Variants in DTNB observed in about 807,000 individuals in gnomAD.
DTNB encodes the protein DTN-B.
DTNB carries 63 observed loss-of-function variants against 90.7 expected under a neutral mutation model. The observed-to-expected ratio is 0.69, with a 90% confidence interval of 0.57 to 0.86. DTNB has a LOEUF of 0.86. Ranked by LOEUF, DTNB falls within the 40% of genes least tolerant of loss-of-function variation. DTNB has a pLI of 0.00. For synonymous variants in DTNB, 277 were observed against 286.7 expected (o/e 0.97, Z 0.34); for missense variants, 744 against 807.1 (o/e 0.92, Z 0.95).
intron 9 of DTNB, among the ~76,000 whole-genome samples, chr2:25,489,131 G>A (rs567244009): frequency 2.6e-5 from 4 of 152,230 alleles, no homozygotes; most frequent in South Asian, 2.1e-4. Flanking sequence ...GTTCCCTTGC[G>A]GCCAGACCAC....
chr2:25,614,479 G>A (rs896647282), intron 4 of DTNB, among the ~76,000 whole-genome samples: 7 of 152,036 alleles, frequency 4.6e-5, no homozygotes, highest in African/African-American at 2.4e-5. Flanking sequence ...CAGAATGTAA[G>A]GTCAACATAA....
chr2:25,447,805 G>A (rs1047558086), intron 12 of DTNB, among the ~76,000 whole-genome samples: 1 of 151,908 alleles, frequency 6.6e-6, no homozygotes. Flanking sequence ...CACCATGCCC[G>A]GCCTAGTTAT....
At position 25,483,940 on chromosome 2, in the gene DTNB, A is replaced by T. The variant is rs529733347; in HGVS notation, c.1002-1067T>A. 2.0e-5 allele frequency among the ~76,000 whole-genome samples: 3 copies of T among 152,318 alleles called. No homozygotes were observed. In the East Asian group the frequency reaches 5.8e-4, roughly 29 times the overall value. On this transcript the variant is annotated intron_variant, in intron 9 of 20. Transcript: ENST00000406818. ...ACCTTTTCTATGTTTAGATACATAA[A>T]TACCCTTGTGTAACAGTTGCCTCCA... is the stretch of plus-strand genomic sequence containing the variant.
rs180930393 is a variant in DTNB, at chr2:25,620,645, G to A, written c.362+7526C>T. The stretch of plus-strand genomic sequence containing the variant: ...TTAGCACAAACTCATGACTTCTGTT[G>A]GAAGAAAAGCTACAAGATAAAGAGT... On this transcript the variant is annotated intron_variant, in intron 4 of 20. Transcript: ENST00000406818. Among the ~76,000 whole-genome samples the A allele has an allele frequency of 1.8e-3, 272 of 152,174 alleles. 1 individual carries two copies. Among genetic ancestry groups the A allele is most frequent in the African/African-American group, 6.3e-3 (261 of 41,510 alleles).
At chr2:25,548,115 TTTC>T (rs1386842024) in intron 8 of DTNB, among the ~76,000 whole-genome samples, 1 of 152,172 alleles carries the variant, frequency 6.6e-6, no homozygotes, top group Admixed American at 6.5e-5. Flanking sequence ...CGTGATCAAG[TTTC>T]TTATTTCAAT....
intron 14 of DTNB, among the ~76,000 whole-genome samples, chr2:25,431,626 G>T (rs1041959765): frequency 1.3e-5 from 2 of 152,146 alleles, no homozygotes; most frequent in African/African-American, 4.8e-5. Context: ...ATATTTTTCA[G>T]ATCCTTCCGG....
intron 3 of DTNB, 119 bp downstream of exon 3, chr2:25,638,895 T>G (rs189030149): frequency 9.6e-7 from 1 of 1,043,662 alleles, no homozygotes; most frequent in East Asian, 2.8e-5. Context: ...TACATACTAA[T>G]AAATACTTAA....
intron 16 of DTNB, among the ~76,000 whole-genome samples, chr2:25,410,513 A>G (rs1004882711): frequency 5.9e-5 from 9 of 152,216 alleles, no homozygotes; most frequent in Non-Finnish European, 1.2e-4. Flanking sequence ...GTTCCTGAAC[A>G]TAAAAGAAAC....
chr2:25,583,779 A>G (rs2061925221), intron 6 of DTNB, among the ~76,000 whole-genome samples: 1 of 151,736 alleles, frequency 6.6e-6, no homozygotes, highest in South Asian at 2.1e-4. Flanking sequence ...TCAGCCTCCC[A>G]AAGTGCTGGG....
At chr2:25,646,672 AGGCCCCC>A (rs1283502908) in intron 2 of DTNB, among the ~76,000 whole-genome samples, 1 of 152,198 alleles carries the variant, frequency 6.6e-6, no homozygotes, top group Non-Finnish European at 1.5e-5. Context: ...ATAAGCTAGA[AGGCCCCC>A]CACCTCATCC....
In DTNB at chr2:25,536,752, G is replaced by C. The variant is rs143179745; in HGVS notation, c.877-5155C>G. Among the ~76,000 whole-genome samples, 364 of 152,198 alleles carry C rather than the reference G, an allele frequency of 2.4e-3. 2 individuals carry two copies. Among genetic ancestry groups the C allele is most frequent in the African/African-American group, 8.4e-3 (350 of 41,546 alleles). On this transcript the variant is annotated intron_variant, in intron 8 of 20. Coordinates refer to ENST00000406818, the MANE Select transcript of DTNB (RefSeq NM_021907.5). ...AGGGGAGATGGGAGACGGGAGAGGG[G>C]AGAGGGAGAGCTTTTATTTATTTAT...
At chr2:25,569,845 C>T (rs1421913923) in intron 8 of DTNB, among the ~76,000 whole-genome samples, 4 of 152,086 alleles carry the variant, frequency 2.6e-5, no homozygotes, top group Non-Finnish European at 5.9e-5. Flanking sequence ...GACTGTAATC[C>T]CAGCACTTTG....
chr2:25,419,324 G>A, intron 16 of DTNB, 191 bp downstream of exon 16: 1 of 784,686 alleles, frequency 1.3e-6, no homozygotes, highest in Non-Finnish European at 2.1e-6. Context: ...GTAAGAACAT[G>A]CTCTACTGGG....
chr2:25,621,929 C>T (rs1340961995), intron 4 of DTNB, among the ~76,000 whole-genome samples: 1 of 151,578 alleles, frequency 6.6e-6, no homozygotes, highest in African/African-American at 2.4e-5. Context: ...AAACAATAAC[C>T]CTAGGCCTTT....
chr2:25,524,338 G>C (rs2076698537), intron 9 of DTNB, among the ~76,000 whole-genome samples: 1 of 147,860 alleles, frequency 6.8e-6, no homozygotes, highest in East Asian at 2.0e-4. Context: ...AAGTTATCTA[G>C]TCAAACTAAA....
At chr2:25,440,790 A>T (rs1002799208) in intron 12 of DTNB, among the ~76,000 whole-genome samples, 1 of 152,224 alleles carries the variant, frequency 6.6e-6, no homozygotes, top group Non-Finnish European at 1.5e-5. Context: ...CATCTATCCC[A>T]TATTTTATTT....
Position 25,648,562 on chromosome 2 carries a change from T to C in DTNB, c.67+4032A>G, listed in dbSNP as rs906183089. ...TTTTAAAAAGAGCTCCAAAAGGAAA[T>C]ATTCTGAAAACTAAGGTTAAAAAAA... On this transcript the variant is annotated intron_variant, in intron 2 of 20. Transcript: ENST00000406818. Among the ~76,000 whole-genome samples, 4 of 151,962 alleles carry C rather than the reference T, an allele frequency of 2.6e-5. No individual in the cohort carries two copies. The South Asian group carries it at 6.2e-4, about 24-fold the overall frequency.
At chr2:25,651,438 C>T (rs2080918090) in intron 2 of DTNB, among the ~76,000 whole-genome samples, 1 of 152,210 alleles carries the variant, frequency 6.6e-6, no homozygotes, top group African/African-American at 2.4e-5. Flanking sequence ...ACTCAGATGC[C>T]TTCTGATTTC....
intron 2 of DTNB, among the ~76,000 whole-genome samples, chr2:25,645,005 G>A (rs1481672126): frequency 6.6e-6 from 1 of 152,128 alleles, no homozygotes; most frequent in Non-Finnish European, 1.5e-5. Context: ...GGAAATGCTG[G>A]GGACACAAGC....
Sources: allele counts gnomAD v4.1 joint callset (sites outside exome capture counted in the v4.1 genomes callset), GRCh38; gene constraint gnomAD v4.1.1; transcripts MANE v1.5; gene names NCBI Gene and HGNC (gene_info 2026-07-23, HGNC 2026-07-21).